Variants in ADAMTS3 observed in about 807,000 individuals in gnomAD.
ADAMTS3 encodes ADAM metallopeptidase with thrombospondin type 1 motif 3, also known as A disintegrin and metalloproteinase with thrombospondin motifs 3.
A neutral mutation model predicts 129.0 loss-of-function variants in ADAMTS3; 73 were observed. The ratio of observed to expected loss-of-function variants is 0.57; its 90% CI spans 0.47 to 0.69. The LOEUF (loss-of-function observed/expected upper bound fraction) is 0.69, where lower values mean the gene tolerates loss of function less well. Ranked by LOEUF, ADAMTS3 falls within the 30% of genes least tolerant of loss-of-function variation. The pLI, the probability that ADAMTS3 is intolerant of heterozygous loss-of-function variation, is 0.00. For missense variants in ADAMTS3, 1,457 were observed against 1,514.5 expected, an observed-to-expected ratio of 0.96 and a Z score of 0.63; for synonymous variants, 477 against 510.8, an observed-to-expected ratio of 0.93 and a Z score of 0.89.
chr4:72,290,682 TA>T (rs1201187447), intron 20 of ADAMTS3, among the ~76,000 whole-genome samples, 172 bp downstream of exon 20: 1 of 152,210 alleles, frequency 6.6e-6, no homozygotes, highest in East Asian at 1.9e-4. Flanking sequence ...GGTTTGCCCC[TA>T]ACATGTACTG....
intron 3 of ADAMTS3, among the ~76,000 whole-genome samples, chr4:72,505,287 T>C (rs940681399): frequency 5.3e-5 from 8 of 152,320 alleles, no homozygotes; most frequent in Admixed American, 4.6e-4. Context: ...CTTTACCCTC[T>C]TCCCTAGAGT....
intron 4 of ADAMTS3, among the ~76,000 whole-genome samples, chr4:72,402,427 A>G (rs1721946767): frequency 6.6e-6 from 1 of 152,198 alleles, no homozygotes; most frequent in Non-Finnish European, 1.5e-5. Flanking sequence ...CATCAAGAAT[A>G]CCATAGGTGT....
intron 3 of ADAMTS3, among the ~76,000 whole-genome samples, chr4:72,514,202 T>C (rs1212432810): frequency 6.6e-6 from 1 of 152,110 alleles, no homozygotes; most frequent in Non-Finnish European, 1.5e-5. Flanking sequence ...GTCCCCTTAA[T>C]AGTAATAAAT....
chr4:72,530,031 A>ATATATTATATTTATATAT lies in ADAMTS3; in HGVS notation c.504+18446_504+18447insATATATAAATATAATATA, dbSNP rs375982827. On this transcript the variant is annotated intron_variant, in intron 3 of 21. Transcript: ENST00000286657. ...ATATAATATATTATATTTATATATA[A>ATATATTATATTTATATAT]ATATAATATATTATATTTATATATA... is the stretch of plus-strand genomic sequence containing the variant. 9.7e-4 allele frequency among the ~76,000 whole-genome samples: 3 copies of ATATATTATATTTATATAT among 3,092 alleles called. 1 individual carries two copies. Among genetic ancestry groups the ATATATTATATTTATATAT allele is most frequent in the Non-Finnish European group, 9.9e-4 (2 of 2,028 alleles). The allele number at this position is 3,092 out of a possible 152,430, so 2.0% of individuals were successfully genotyped here.
chr4:72,304,111 CATTTT>C (rs1190270777), intron 16 of ADAMTS3, 31 bp from the exon 17 acceptor site: 1 of 1,601,262 alleles, frequency 6.2e-7, no homozygotes, highest in South Asian at 1.1e-5. Flanking sequence ...AACCAGCATA[CATTTT>C]ATTTTATCAT....
rs182666558 is a variant in ADAMTS3, at chr4:72,281,227, A to G, written c.*1909T>C. ...AATTTTTAGGAAAAAAAAAAGACTT[A>G]AGGCTTAGGGATTGTTTTACTATCT... On this transcript the variant is annotated 3_prime_UTR_variant, in exon 22 of 22. Transcript: ENST00000286657. The G allele has an allele frequency of 6.6e-6, 1 of 152,638 alleles. No individual in the cohort carries two copies. The highest frequency in any genetic ancestry group is 1.9e-4 in the East Asian group (1 of 5,186). The allele number at this position is 152,638 out of a possible 1,614,324, so 9.5% of individuals were successfully genotyped here.
intron 3 of ADAMTS3, among the ~76,000 whole-genome samples, chr4:72,445,723 A>C (rs1718233185): frequency 6.6e-6 from 1 of 151,782 alleles, no homozygotes; most frequent in Non-Finnish European, 1.5e-5. Flanking sequence ...AACCCACCAC[A>C]GAAAAACACC....
chr4:72,353,909 G>A (rs1329416157), intron 4 of ADAMTS3, among the ~76,000 whole-genome samples: 1 of 151,868 alleles, frequency 6.6e-6, no homozygotes, highest in Admixed American at 6.6e-5. Flanking sequence ...CTGTTGTGGA[G>A]TTTGCCTAAT....
At chr4:72,416,117 T>C (rs767142943) in intron 3 of ADAMTS3, among the ~76,000 whole-genome samples, 16 of 149,352 alleles carry the variant, frequency 1.1e-4, no homozygotes, top group Non-Finnish European at 1.6e-4. Context: ...TCAAGCAACA[T>C]AGAAATAAAA....
chr4:72,288,191 A>G (rs1351001379), intron 21 of ADAMTS3, among the ~76,000 whole-genome samples: 1 of 152,146 alleles, frequency 6.6e-6, no homozygotes, highest in Non-Finnish European at 1.5e-5. Context: ...AAAATAGCAA[A>G]TTGACTAAAT....
intron 18 of ADAMTS3, among the ~76,000 whole-genome samples, chr4:72,297,852 T>G (rs1195344644): frequency 6.6e-6 from 1 of 152,154 alleles, no homozygotes; most frequent in African/African-American, 2.4e-5. Flanking sequence ...TTCAAATACA[T>G]AGCATAGTCA....
chr4:72,345,047 A>G (rs879797020), intron 4 of ADAMTS3, among the ~76,000 whole-genome samples: 2 of 152,134 alleles, frequency 1.3e-5, no homozygotes, highest in Non-Finnish European at 2.9e-5. Flanking sequence ...AATGCAAGCC[A>G]ATTTTCATGT....
At chr4:72,328,263 A>C (rs1719748471) in intron 5 of ADAMTS3, among the ~76,000 whole-genome samples, 1 of 152,190 alleles carries the variant, frequency 6.6e-6, no homozygotes, top group African/African-American at 2.4e-5. Context: ...AGAGTTTGTC[A>C]ATGATGTGAG....
At chr4:72,476,872 T>G (rs1006750309) in intron 3 of ADAMTS3, among the ~76,000 whole-genome samples, 13 of 152,064 alleles carry the variant, frequency 8.5e-5, no homozygotes, top group African/African-American at 3.1e-4. Context: ...CAAGAATCAA[T>G]CAATGTAAGC....
chr4:72,402,282 T>C (rs981229787), intron 4 of ADAMTS3, among the ~76,000 whole-genome samples: 7 of 152,210 alleles, frequency 4.6e-5, no homozygotes, highest in African/African-American at 1.7e-4. Context: ...ATATATTTTC[T>C]AGATCATTCA....
chr4:72,402,620 TTAGA>T (rs1325801339), intron 4 of ADAMTS3, among the ~76,000 whole-genome samples: 2 of 152,154 alleles, frequency 1.3e-5, no homozygotes, highest in Non-Finnish European at 2.9e-5. Flanking sequence ...GAGATATATG[TTAGA>T]TAGTCTTGTA....
chr4:72,500,864 T>A (rs756653815), intron 3 of ADAMTS3, among the ~76,000 whole-genome samples: 1 of 152,160 alleles, frequency 6.6e-6, no homozygotes, highest in Non-Finnish European at 1.5e-5. Context: ...ATTTATTAAA[T>A]AGGGGGTCCT....
At chr4:72,414,709 G>A (rs1436199428) in intron 4 of ADAMTS3, 106 bp downstream of exon 4, 16 of 892,218 alleles carry the variant, frequency 1.8e-5, no homozygotes, top group East Asian at 3.0e-5. Context: ...CTATCTCCGC[G>A]TTATACAAGA....
At chr4:72,567,659 A>G (rs1467683150) in intron 1 of ADAMTS3, among the ~76,000 whole-genome samples, 1 of 152,088 alleles carries the variant, frequency 6.6e-6, no homozygotes, top group Non-Finnish European at 1.5e-5. Flanking sequence ...ATACATACAG[A>G]CTCTCAATGC....
Sources: gnomAD v4.1 joint callset for allele counts (sites outside exome capture counted in the v4.1 genomes callset) on GRCh38, gnomAD v4.1.1 for gene constraint, MANE v1.5 for transcripts, NCBI Gene and HGNC (gene_info 2026-07-23, HGNC 2026-07-21) for gene names.